The following TPRG1 variants were observed in gnomAD, a reference collection of about 807,000 sequenced individuals.
The protein encoded by TPRG1 is tumor protein p63-regulated gene 1 protein.
TPRG1 carries 29 observed loss-of-function variants against 29.3 expected under a neutral mutation model. That is an observed-to-expected ratio of 0.99 (90% CI 0.74 to 1.35). The LOEUF is 1.35. Among genes scored for constraint, TPRG1 ranks in the 40% most tolerant of loss-of-function variants. TPRG1 has a pLI of 0.00. For missense variants in TPRG1, 327 were observed against 335.0 expected, an observed-to-expected ratio of 0.98 and a Z score of 0.19; for synonymous variants, 130 against 116.8, an observed-to-expected ratio of 1.11 and a Z score of -0.73.
chr3:189,020,442 G>A lies in TPRG1; in HGVS notation c.-659-3308G>A, dbSNP rs1186910122. Among the ~76,000 whole-genome samples, 11 of 151,072 alleles carry A rather than the reference G, an allele frequency of 7.3e-5. No individual in the cohort carries two copies. The South Asian group carries it at 8.4e-4, about 12-fold the overall frequency. On this transcript the variant is annotated intron_variant, in intron 3 of 10. Coordinates refer to the TPRG1 transcript ENST00000433971. ...TCTGGTATGTTGTGTCTTTGTTCTC[G>A]TTGGTTTCAAAGAACATCTTTATTT... is the stretch of plus-strand genomic sequence containing the variant.
intron 3 of TPRG1, among the ~76,000 whole-genome samples, chr3:189,005,950 A>G (rs1393032527): frequency 6.6e-6 from 1 of 152,152 alleles, no homozygotes; most frequent in Non-Finnish European, 1.5e-5. Flanking sequence ...AATACTGGAT[A>G]AACAGCAACA....
chr3:189,033,435 C>A (rs1714055814), intron 4 of TPRG1, among the ~76,000 whole-genome samples: 1 of 152,064 alleles, frequency 6.6e-6, no homozygotes, highest in Non-Finnish European at 1.5e-5. Flanking sequence ...GTACGTGCCA[C>A]CACGCCCAGC....
chr3:189,271,454 G>T (rs776165247), intron 4 of TPRG1, among the ~76,000 whole-genome samples: 6 of 152,198 alleles, frequency 3.9e-5, no homozygotes, highest in Non-Finnish European at 5.9e-5. Flanking sequence ...TAAAGGAACT[G>T]TGAATATGTT....
chr3:189,124,563 TA>T (rs1722224273), intron 1 of TPRG1, among the ~76,000 whole-genome samples: 2 of 151,814 alleles, frequency 1.3e-5, no homozygotes, highest in South Asian at 4.2e-4. Flanking sequence ...TGTGTATATA[TA>T]TATACACACA....
intron 3 of TPRG1, among the ~76,000 whole-genome samples, chr3:189,017,469 A>T (rs1279378369): frequency 6.6e-6 from 1 of 152,012 alleles, no homozygotes; most frequent in East Asian, 1.9e-4. Flanking sequence ...TATGAGTGAG[A>T]ATATGCGGTG....
At chr3:189,277,790 T>A (rs1219415677) in intron 4 of TPRG1, among the ~76,000 whole-genome samples, 2 of 152,182 alleles carry the variant, frequency 1.3e-5, no homozygotes, top group Admixed American at 1.3e-4. Flanking sequence ...TCCCACATTG[T>A]TGGAATCACT....
intron 3 of TPRG1, among the ~76,000 whole-genome samples, chr3:189,236,548 T>G (rs1206654572): frequency 6.6e-6 from 1 of 152,176 alleles, no homozygotes; most frequent in Non-Finnish European, 1.5e-5. Flanking sequence ...GAGGTGAGTA[T>G]CCACTGGATG....
At chr3:189,038,073 A>T (rs1714389998) in intron 4 of TPRG1, among the ~76,000 whole-genome samples, 1 of 151,864 alleles carries the variant, frequency 6.6e-6, no homozygotes, top group Non-Finnish European at 1.5e-5. Flanking sequence ...TATTGTGAAA[A>T]ACAAAAGTCC....
chr3:189,230,438 A>C (rs1345568320), intron 3 of TPRG1, among the ~76,000 whole-genome samples: 1 of 152,040 alleles, frequency 6.6e-6, no homozygotes, highest in Non-Finnish European at 1.5e-5. Context: ...AAATTGCAAA[A>C]AAAAAATGTG....
At chr3:189,197,134 G>A (rs1340119380) in intron 1 of TPRG1, among the ~76,000 whole-genome samples, 2 of 152,232 alleles carry the variant, frequency 1.3e-5, no homozygotes, top group Non-Finnish European at 2.9e-5. Flanking sequence ...GCTTTAATGT[G>A]TAGGCATTGA....
chr3:189,061,985 G>A (rs1008835292), intron 4 of TPRG1, among the ~76,000 whole-genome samples: 43 of 152,120 alleles, frequency 2.8e-4, no homozygotes, highest in African/African-American at 9.9e-4. Context: ...ACACATGCCT[G>A]TGAATGTTCA....
intron 4 of TPRG1, among the ~76,000 whole-genome samples, chr3:189,057,409 A>G (rs1423210840): frequency 1.3e-5 from 2 of 152,140 alleles, no homozygotes; most frequent in Non-Finnish European, 2.9e-5. Context: ...TATTTTGTCT[A>G]GACAAAAGGC....
In TPRG1 at chr3:189,195,683, A is replaced by C. The variant is rs551433701; in HGVS notation, c.-9-11693A>C. Among the ~76,000 whole-genome samples, 3 of 152,332 alleles carry C rather than the reference A, an allele frequency of 2.0e-5. No homozygotes were observed. In the East Asian group the frequency reaches 5.8e-4, roughly 29 times the overall value. ...ACAGCTGGGCTTAGTGCCTGTGAGC[A>C]CAGCTGGGGATCCCAGGGTTGAAAT... On this transcript the variant is annotated intron_variant, in intron 1 of 5. Transcript: ENST00000345063.
intron 4 of TPRG1, among the ~76,000 whole-genome samples, chr3:189,062,712 ATG>A (rs1468211108): frequency 1.3e-5 from 2 of 152,096 alleles, no homozygotes; most frequent in African/African-American, 4.8e-5. Context: ...AATAAGCCAT[ATG>A]TATATGTTGT....
intron 4 of TPRG1, among the ~76,000 whole-genome samples, chr3:189,259,723 G>A (rs1265742300): frequency 6.6e-6 from 1 of 152,020 alleles, no homozygotes; most frequent in East Asian, 1.9e-4. Flanking sequence ...ACCCGCCTGG[G>A]CCTCCCAGAC....
chr3:189,095,652 G>C (rs924965552), upstream of TPRG1, among the ~76,000 whole-genome samples: 23 of 152,270 alleles, frequency 1.5e-4, no homozygotes, highest in African/African-American at 4.8e-4. Flanking sequence ...TCTAAGTCAT[G>C]GTCAGATGGG....
At chr3:189,274,608 A>G (rs1326520146) in intron 4 of TPRG1, among the ~76,000 whole-genome samples, 1 of 152,166 alleles carries the variant, frequency 6.6e-6, no homozygotes, top group Non-Finnish European at 1.5e-5. Flanking sequence ...TGACTCTGGT[A>G]TCAGAGCACA....
At chr3:189,043,480 G>T (rs998688966) in intron 4 of TPRG1, among the ~76,000 whole-genome samples, 9 of 152,148 alleles carry the variant, frequency 5.9e-5, no homozygotes, top group African/African-American at 2.2e-4. Context: ...CCCTTTATGG[G>T]ATCTGACCTT....
chr3:189,149,443 T>C (rs1379529109), intron 4 of TPRG1, among the ~76,000 whole-genome samples: 3 of 152,216 alleles, frequency 2.0e-5, no homozygotes, highest in African/African-American at 7.2e-5. Flanking sequence ...GGCTGAGTTA[T>C]CAAGATCTCT....
Sources: allele counts gnomAD v4.1 joint callset (sites outside exome capture counted in the v4.1 genomes callset), GRCh38; gene constraint gnomAD v4.1.1; transcripts MANE v1.5; gene names NCBI Gene and HGNC (gene_info 2026-07-23, HGNC 2026-07-21).